The following SGCZ variants were observed in gnomAD, a reference collection of about 807,000 sequenced individuals.
SGCZ encodes sarcoglycan zeta, also known as zeta-sarcoglycan.
A neutral mutation model predicts 41.3 loss-of-function variants in SGCZ; 40 were observed. The observed-to-expected ratio is 0.97, with a 90% CI of 0.75 to 1.26. The LOEUF is 1.26. Ranked by LOEUF, SGCZ falls within the 50% of genes most tolerant of loss-of-function variation. The pLI, the probability that SGCZ is intolerant of heterozygous loss-of-function variation, is 0.00. For synonymous variants in SGCZ, 206 were observed against 137.5 expected (o/e 1.50, Z -3.49); for missense variants, 552 against 369.8 (o/e 1.49, Z -4.04).
chr8:14,627,670 A>C (rs1397065145), intron 1 of SGCZ, among the ~76,000 whole-genome samples: 1 of 152,052 alleles, frequency 6.6e-6, no homozygotes, highest in East Asian at 1.9e-4. Context: ...TAATTTCTGA[A>C]TGATTGTCCT....
intron 1 of SGCZ, among the ~76,000 whole-genome samples, chr8:14,911,609 A>T (rs1319612748): frequency 6.6e-6 from 1 of 152,052 alleles, no homozygotes; most frequent in Non-Finnish European, 1.5e-5. Context: ...TGTATCTTGA[A>T]TTCCCATAAT....
chr8:14,627,538 T>C (rs150994012), intron 1 of SGCZ, among the ~76,000 whole-genome samples: 3 of 152,284 alleles, frequency 2.0e-5, no homozygotes, highest in South Asian at 2.1e-4. Context: ...AGAAAGATCC[T>C]GAAAACATTA....
At chr8:15,206,088 G>A (rs1370661967) in intron 1 of SGCZ, among the ~76,000 whole-genome samples, 4 of 152,082 alleles carry the variant, frequency 2.6e-5, no homozygotes, top group Admixed American at 2.6e-4. Context: ...TACTGGGCTG[G>A]ATACCTGGGT....
intron 3 of SGCZ, among the ~76,000 whole-genome samples, chr8:14,278,676 G>C (rs546437966): frequency 6.6e-6 from 1 of 152,138 alleles, no homozygotes; most frequent in South Asian, 2.1e-4. Context: ...AATTGCCATT[G>C]ATTTGATATA....
At chr8:14,864,781 T>A (rs1170828686) in intron 1 of SGCZ, among the ~76,000 whole-genome samples, 3 of 152,102 alleles carry the variant, frequency 2.0e-5, no homozygotes, top group Admixed American at 6.6e-5. Context: ...TAATTTGTAT[T>A]CCCACCAACA....
At chr8:14,221,050 G>C (rs776818141) in intron 4 of SGCZ, among the ~76,000 whole-genome samples, 3 of 151,828 alleles carry the variant, frequency 2.0e-5, no homozygotes, top group Non-Finnish European at 4.4e-5. Flanking sequence ...CCCAAGTAGA[G>C]GTAACTCATG....
rs143111336 is a variant in SGCZ, at chr8:14,739,743, C to T, written c.40-184817G>A. ...TACAATTAATCTTCCTCCTAAGAGT[C>T]ACAACGTTAAAAGGAAAGGGGAAAG... On this transcript the variant is annotated intron_variant, in intron 1 of 7. Transcript: ENST00000382080. Among the ~76,000 whole-genome samples, 741 of 152,072 alleles carry T rather than the reference C, an allele frequency of 4.9e-3. 4 individuals carry two copies. Among genetic ancestry groups the T allele is most frequent in the East Asian group, 0.019 (97 of 5,164 alleles).
chr8:14,634,384 T>C lies in SGCZ; in HGVS notation c.40-79458A>G, dbSNP rs543103348. Among the ~76,000 whole-genome samples the C allele has an allele frequency of 7.2e-5, 11 of 151,940 alleles. 1 individual carries two copies. The South Asian group carries it at 2.3e-3, about 31-fold the overall frequency. On this transcript the variant is annotated intron_variant, in intron 1 of 7. Transcript: ENST00000382080. ...TTGTATTTTTTTTGTTCTGTGTTTT[T>C]TGTGTATTTTTTAAACCACCCACAC...
chr8:14,820,962 G>A (rs1802059284), intron 1 of SGCZ, among the ~76,000 whole-genome samples: 1 of 149,702 alleles, frequency 6.7e-6, no homozygotes. Flanking sequence ...AAAATTGGTT[G>A]AAGGAAGGAA....
intron 2 of SGCZ, among the ~76,000 whole-genome samples, chr8:14,543,532 T>C (rs1008900612): frequency 1.3e-5 from 2 of 152,190 alleles, no homozygotes; most frequent in East Asian, 1.9e-4. Context: ...CAAAAAGTAT[T>C]GTGTAAAGAG....
intron 2 of SGCZ, among the ~76,000 whole-genome samples, chr8:14,427,209 G>A (rs1483364806): frequency 6.6e-6 from 1 of 151,964 alleles, no homozygotes; most frequent in Non-Finnish European, 1.5e-5. Flanking sequence ...GGATAAAGAG[G>A]TTCAGGAAAA....
intron 1 of SGCZ, among the ~76,000 whole-genome samples, chr8:15,132,561 T>C (rs2116976688): frequency 6.6e-6 from 1 of 152,320 alleles, no homozygotes; most frequent in Middle Eastern, 3.4e-3. Flanking sequence ...CCACTTATGC[T>C]AATTTTGGGA....
intron 1 of SGCZ, among the ~76,000 whole-genome samples, chr8:15,133,631 A>C (rs1033402310): frequency 6.6e-6 from 1 of 152,220 alleles, no homozygotes; most frequent in Admixed American, 6.5e-5. Context: ...ACATAACCAC[A>C]GTAAACTGAT....
At chr8:14,147,694 T>C (rs1472894848) in intron 5 of SGCZ, among the ~76,000 whole-genome samples, 1 of 152,202 alleles carries the variant, frequency 6.6e-6, no homozygotes, top group Non-Finnish European at 1.5e-5. Context: ...TATTCTGCAC[T>C]ACAGACCAAA....
At chr8:14,140,034 T>C (rs933245918) in intron 5 of SGCZ, among the ~76,000 whole-genome samples, 4 of 151,688 alleles carry the variant, frequency 2.6e-5, no homozygotes, top group African/African-American at 9.7e-5. Flanking sequence ...GTTCAACATA[T>C]GCAAATCAAT....
intron 3 of SGCZ, among the ~76,000 whole-genome samples, chr8:14,267,380 C>G (rs971811425): frequency 5.9e-5 from 9 of 152,038 alleles, no homozygotes; most frequent in Admixed American, 4.6e-4. Flanking sequence ...TTTTATTTAT[C>G]TAATCAGCCT....
chr8:14,194,330 G>A (rs1045497191), intron 4 of SGCZ, among the ~76,000 whole-genome samples: 1 of 151,848 alleles, frequency 6.6e-6, no homozygotes, highest in Admixed American at 6.6e-5. Context: ...TTGAAAACGA[G>A]ACCAGAGTAA....
chr8:14,927,527 AG>A (rs1799794839), intron 1 of SGCZ, among the ~76,000 whole-genome samples: 1 of 138,552 alleles, frequency 7.2e-6, no homozygotes, highest in Non-Finnish European at 1.6e-5. Flanking sequence ...AAGAAGAGCA[AG>A]AAGAAGGAAG....
intron 3 of SGCZ, among the ~76,000 whole-genome samples, chr8:14,321,526 G>T (rs1365651): frequency 0.89 from 135,922 of 152,122 alleles, 61,070 homozygotes; most frequent in Middle Eastern, 0.94. Flanking sequence ...TAGGACTAAA[G>T]GCCTGTACAA....
Sources: gnomAD v4.1 joint callset for allele counts (sites outside exome capture counted in the v4.1 genomes callset) on GRCh38, gnomAD v4.1.1 for gene constraint, MANE v1.5 for transcripts, NCBI Gene and HGNC (gene_info 2026-07-23, HGNC 2026-07-21) for gene names.